Variants in GABRB1 observed in about 807,000 individuals in gnomAD.
GABRB1 encodes the protein gamma-aminobutyric acid type A receptor subunit beta1.
GABRB1 carries 17 observed loss-of-function variants against 51.6 expected under a neutral mutation model. The observed-to-expected ratio is 0.33, with a 90% CI of 0.23 to 0.49. GABRB1 has a LOEUF of 0.49. GABRB1 is among the 20% of genes least tolerant of loss of function. The pLI, the probability that GABRB1 is intolerant of heterozygous loss-of-function variation, is 0.99. For synonymous variants in GABRB1, 247 were observed against 218.9 expected, an observed-to-expected ratio of 1.13 and a Z score of -1.14; for missense variants, 410 against 600.6, an observed-to-expected ratio of 0.68 and a Z score of 3.32.
chr4:47,183,948 C>T (rs923738475), intron 4 of GABRB1, among the ~76,000 whole-genome samples: 1 of 151,926 alleles, frequency 6.6e-6, no homozygotes, highest in African/African-American at 2.4e-5. Context: ...GTTAGTCTCC[C>T]ATAAGCCCTC....
At chr4:47,085,774 C>T (rs1226143018) in intron 3 of GABRB1, among the ~76,000 whole-genome samples, 1 of 152,180 alleles carries the variant, frequency 6.6e-6, no homozygotes, top group African/African-American at 2.4e-5. Flanking sequence ...CATGTGACAA[C>T]TCAACTGGGA....
intron 3 of GABRB1, among the ~76,000 whole-genome samples, chr4:47,136,662 A>T (rs562549979): frequency 6.6e-6 from 1 of 152,046 alleles, no homozygotes; most frequent in African/African-American, 2.4e-5. Context: ...CACTCTAATG[A>T]TATGGTCTTT....
chr4:47,244,616 G>A (rs1304847581), intron 4 of GABRB1, among the ~76,000 whole-genome samples: 1 of 152,060 alleles, frequency 6.6e-6, no homozygotes, highest in African/African-American at 2.4e-5. Context: ...TCTTGGGAGG[G>A]TGTATGTGTC....
chr4:47,210,490 A>G (rs943276582), intron 4 of GABRB1, among the ~76,000 whole-genome samples: 2 of 152,138 alleles, frequency 1.3e-5, no homozygotes, highest in African/African-American at 4.8e-5. Flanking sequence ...GTTCCATTTA[A>G]GGTAACTATT....
intron 3 of GABRB1, among the ~76,000 whole-genome samples, chr4:47,143,120 G>C (rs1193812251): frequency 6.6e-6 from 1 of 151,870 alleles, no homozygotes; most frequent in African/African-American, 2.4e-5. Flanking sequence ...ACTTTTAGCA[G>C]CAGTATTCTG....
intron 4 of GABRB1, among the ~76,000 whole-genome samples, chr4:47,318,354 G>T (rs1251275330): frequency 1.3e-5 from 2 of 151,862 alleles, no homozygotes; most frequent in Non-Finnish European, 2.9e-5. Context: ...GCTACTATCT[G>T]CAGAATTTGT....
chr4:47,399,170 G>A (rs6817416), intron 5 of GABRB1, among the ~76,000 whole-genome samples: 55,986 of 152,080 alleles, frequency 0.37, 11,373 homozygotes, highest in African/African-American at 0.54. Context: ...CCATTTTAGT[G>A]TCTGTATAAA....
chr4:47,352,535 G>A (rs982792602), intron 5 of GABRB1, among the ~76,000 whole-genome samples: 10 of 152,084 alleles, frequency 6.6e-5, no homozygotes, highest in Admixed American at 2.6e-4. Context: ...CTGGCAAACC[G>A]AATCCAGCAG....
At chr4:47,360,762 A>G (rs774216691) in intron 5 of GABRB1, among the ~76,000 whole-genome samples, 4 of 152,104 alleles carry the variant, frequency 2.6e-5, no homozygotes, top group Non-Finnish European at 4.4e-5. Flanking sequence ...GTTATTATAT[A>G]GAGAGTAAAG....
At chr4:47,157,433 C>T (rs942649376) in intron 3 of GABRB1, among the ~76,000 whole-genome samples, 2 of 152,144 alleles carry the variant, frequency 1.3e-5, no homozygotes, top group Admixed American at 6.5e-5. Context: ...TCCACCAAAA[C>T]GAAGTCATAG....
chr4:47,087,328 T>C (rs982727692), intron 3 of GABRB1, among the ~76,000 whole-genome samples: 5 of 152,320 alleles, frequency 3.3e-5, no homozygotes, highest in Admixed American at 1.3e-4. Flanking sequence ...GGTGCCATTA[T>C]GATTACATAT....
chr4:47,210,318 GCA>G (rs887249900), intron 4 of GABRB1, among the ~76,000 whole-genome samples: 2 of 152,092 alleles, frequency 1.3e-5, no homozygotes, highest in African/African-American at 4.8e-5. Context: ...GAGCTGAAAT[GCA>G]CACAGAGACT....
chr4:47,015,995 A>G (rs990719598), intron 1 of GABRB1, among the ~76,000 whole-genome samples: 1 of 152,202 alleles, frequency 6.6e-6, no homozygotes, highest in Non-Finnish European at 1.5e-5. Context: ...ATTAGCGAGG[A>G]CTAGACCTTG....
chr4:47,109,461 A>G (rs1025040466), intron 3 of GABRB1, among the ~76,000 whole-genome samples: 9 of 152,122 alleles, frequency 5.9e-5, no homozygotes, highest in African/African-American at 2.2e-4. Context: ...ACAAATGCCT[A>G]AACTTCATGC....
At chr4:47,190,579 T>A (rs1719400720) in intron 4 of GABRB1, among the ~76,000 whole-genome samples, 1 of 152,126 alleles carries the variant, frequency 6.6e-6, no homozygotes, top group Non-Finnish European at 1.5e-5. Context: ...CTTCAAAGCA[T>A]AGTAAATATA....
intron 5 of GABRB1, among the ~76,000 whole-genome samples, chr4:47,387,291 T>C (rs1727829762): frequency 6.6e-6 from 1 of 152,064 alleles, no homozygotes; most frequent in South Asian, 2.1e-4. Flanking sequence ...AGAAACCCCA[T>C]CTCTGCTAAA....
chr4:47,016,344 A>G (rs1016101705), intron 1 of GABRB1, among the ~76,000 whole-genome samples: 4 of 152,090 alleles, frequency 2.6e-5, no homozygotes, highest in Non-Finnish European at 5.9e-5. Flanking sequence ...AGCCAATTCT[A>G]TTATCTTTTT....
At chr4:47,174,906 T>A (rs111760397) in intron 4 of GABRB1, among the ~76,000 whole-genome samples, 1 of 139,996 alleles carries the variant, frequency 7.1e-6, no homozygotes, top group African/African-American at 2.6e-5. Flanking sequence ...CCTTCCTTCC[T>A]TCTTTCCTTC....
intron 4 of GABRB1, among the ~76,000 whole-genome samples, chr4:47,253,452 A>G (rs1238015998): frequency 6.6e-6 from 1 of 152,222 alleles, no homozygotes; most frequent in Non-Finnish European, 1.5e-5. Context: ...CTGCAGAGTA[A>G]CTATGGTAAT....
Sources: gnomAD v4.1 joint callset for allele counts (sites outside exome capture counted in the v4.1 genomes callset) on GRCh38, gnomAD v4.1.1 for gene constraint, MANE v1.5 for transcripts, NCBI Gene and HGNC (gene_info 2026-07-23, HGNC 2026-07-21) for gene names.